Variants in SIL1 observed in about 807,000 individuals in gnomAD.
SIL1 encodes the protein nucleotide exchange factor SIL1.
In SIL1, 40 loss-of-function variants were observed where a neutral mutation model predicts 49.1. The observed-to-expected ratio is 0.81, with a 90% confidence interval of 0.63 to 1.06. The LOEUF (loss-of-function observed/expected upper bound fraction) is 1.06, where lower values mean the gene tolerates loss of function less well. Ranked by LOEUF, SIL1 falls within the 50% of genes least tolerant of loss-of-function variation. SIL1 has a pLI of 0.00. For missense variants in SIL1, 500 were observed against 572.6 expected, an observed-to-expected ratio of 0.87 and a Z score of 1.29; for synonymous variants, 253 against 250.8, an observed-to-expected ratio of 1.01 and a Z score of -0.08.
At chr5:139,049,204 G>A (rs558038543) in intron 4 of SIL1, among the ~76,000 whole-genome samples, 61 of 152,212 alleles carry the variant, frequency 4.0e-4, no homozygotes, top group African/African-American at 1.4e-3. Context: ...ACAGAGTCTC[G>A]CTCTGCCACC....
intron 1 of SIL1, among the ~76,000 whole-genome samples, chr5:139,180,266 A>T (rs1751959165): frequency 6.6e-6 from 1 of 151,000 alleles, no homozygotes; most frequent in Non-Finnish European, 1.5e-5. Context: ...CTGTAATCCC[A>T]GCTACTTGGG....
intron 3 of SIL1, among the ~76,000 whole-genome samples, chr5:139,083,424 T>C (rs959278365): frequency 6.8e-6 from 1 of 146,518 alleles, no homozygotes; most frequent in Non-Finnish European, 1.5e-5. Flanking sequence ...ATTTCTCTGA[T>C]GGCCAGTGAT....
At chr5:139,135,938 A>C (rs1750967139) in intron 1 of SIL1, among the ~76,000 whole-genome samples, 1 of 151,942 alleles carries the variant, frequency 6.6e-6, no homozygotes, top group African/African-American at 2.4e-5. Context: ...GTCATGGTGC[A>C]CGCCTGTAAT....
intron 1 of SIL1, among the ~76,000 whole-genome samples, chr5:139,151,475 G>A (rs1751298945): frequency 6.6e-6 from 1 of 152,226 alleles, no homozygotes; most frequent in African/African-American, 2.4e-5. Flanking sequence ...TTAAAGCCAT[G>A]CCAAACAGCA....
At chr5:139,067,487 C>T (rs62381233) in intron 3 of SIL1, among the ~76,000 whole-genome samples, 11,948 of 152,188 alleles carry the variant, frequency 0.079, 626 homozygotes, top group Non-Finnish European at 0.11. Flanking sequence ...TTTCCTAGTT[C>T]ATCAAGCAGA....
At position 139,121,093 on chromosome 5, in the gene SIL1, C is replaced by T; in HGVS notation, c.186G>A (p.Leu62=). ...GGAACACCTCCAGGACTTCGGCATC[C>T]AGCTCCTCCTCGGCTTTGGTTTCTT... ...ERKETKAEEE[L]DAEVLEVFHP... is the part of the protein sequence containing the mutation. The change falls in exon 3 of 10, where the codon CTG becomes CTA. Residue 62 remains leucine (L), a synonymous_variant. Transcript: ENST00000394817. 6.2e-7 allele frequency: 1 copy of T among 1,614,192 alleles called. No homozygotes were observed. Among genetic ancestry groups the T allele is most frequent in the Non-Finnish European group, 8.5e-7 (1 of 1,180,048 alleles).
intron 7 of SIL1, among the ~76,000 whole-genome samples, chr5:138,979,254 G>A (rs1767462130): frequency 6.6e-6 from 1 of 151,812 alleles, no homozygotes; most frequent in South Asian, 2.1e-4. Flanking sequence ...TAGTAGAGAC[G>A]GGGTTTCACC....
intron 1 of SIL1, among the ~76,000 whole-genome samples, chr5:139,146,851 A>G (rs1197890921): frequency 6.6e-6 from 1 of 152,198 alleles, no homozygotes; most frequent in Non-Finnish European, 1.5e-5. Context: ...TGGTCAGATA[A>G]TCACTTTTAT....
chr5:139,172,087 G>C (rs1751783847), intron 1 of SIL1, among the ~76,000 whole-genome samples: 1 of 152,198 alleles, frequency 6.6e-6, no homozygotes, highest in South Asian at 2.1e-4. Context: ...AGACTGAAGA[G>C]AAGTGAATAG....
chr5:138,953,205 A>C (rs1766822748), intron 7 of SIL1: 1 of 152,330 alleles, frequency 6.6e-6, no homozygotes, highest in Non-Finnish European at 1.5e-5. Flanking sequence ...CCTAACTCCC[A>C]ACCCTCCTGG....
intron 3 of SIL1, among the ~76,000 whole-genome samples, chr5:139,117,690 G>A (rs530390981): frequency 2.0e-5 from 3 of 152,288 alleles, no homozygotes; most frequent in African/African-American, 4.8e-5. Context: ...TCCGTAAGGT[G>A]AGGCAGATCC....
chr5:139,181,992 T>A (rs1751991904), intron 1 of SIL1, among the ~76,000 whole-genome samples: 1 of 152,174 alleles, frequency 6.6e-6, no homozygotes, highest in South Asian at 2.1e-4. Context: ...TTTTTTTGGT[T>A]TTTTTTAAGG....
At chr5:139,055,827 C>T (rs899431856) in intron 3 of SIL1, among the ~76,000 whole-genome samples, 264 of 151,096 alleles carry the variant, frequency 1.7e-3, no homozygotes, top group Admixed American at 4.7e-3. Context: ...CGCGCCGCCA[C>T]GCCTGACTGG....
intron 7 of SIL1, among the ~76,000 whole-genome samples, chr5:138,983,727 T>C (rs1581005827): frequency 6.6e-6 from 1 of 151,944 alleles, no homozygotes; most frequent in African/African-American, 2.4e-5. Flanking sequence ...AAGAGTGACG[T>C]CTGGCAGAAA....
At chr5:139,056,743 G>A (rs1234423902) in intron 3 of SIL1, among the ~76,000 whole-genome samples, 3 of 150,398 alleles carry the variant, frequency 2.0e-5, no homozygotes, top group Non-Finnish European at 3.0e-5. Flanking sequence ...GGAGGTGAGG[G>A]GCGCCTCTGC....
chr5:139,081,067 G>A (rs1323623935), intron 3 of SIL1, among the ~76,000 whole-genome samples: 1 of 152,142 alleles, frequency 6.6e-6, no homozygotes, highest in African/African-American at 2.4e-5. Context: ...CACTGTTATC[G>A]CAATATGGCG....
chr5:139,170,057 C>T (rs568464663), intron 1 of SIL1, among the ~76,000 whole-genome samples: 2 of 152,218 alleles, frequency 1.3e-5, no homozygotes, highest in South Asian at 2.1e-4. Flanking sequence ...TTGGTGGAGA[C>T]GGGGTTTCGC....
chr5:139,138,573 G>A (rs990879377), intron 1 of SIL1, among the ~76,000 whole-genome samples: 2 of 152,298 alleles, frequency 1.3e-5, no homozygotes, highest in South Asian at 4.1e-4. Flanking sequence ...TTTGAGCCAA[G>A]TCTCCCCTAC....
chr5:139,106,161 C>CAG (rs1770706537), intron 3 of SIL1, among the ~76,000 whole-genome samples: 1 of 152,174 alleles, frequency 6.6e-6, no homozygotes, highest in African/African-American at 2.4e-5. Context: ...GCTTGATTTC[C>CAG]AGCAGATTCT....
Sources: gnomAD v4.1 joint callset for allele counts (sites outside exome capture counted in the v4.1 genomes callset) on GRCh38, gnomAD v4.1.1 for gene constraint, MANE v1.5 for transcripts, NCBI Gene and HGNC (gene_info 2026-07-23, HGNC 2026-07-21) for gene names.